The following PRKN variants were observed in gnomAD, a reference collection of about 807,000 sequenced individuals.
PRKN encodes E3 ubiquitin-protein ligase parkin.
PRKN carries 56 observed loss-of-function variants against 59.5 expected under a neutral mutation model. The ratio of observed to expected loss-of-function variants is 0.94; its 90% CI spans 0.76 to 1.18. PRKN has a LOEUF of 1.18. Ranked by LOEUF, PRKN falls within the 50% of genes most tolerant of loss-of-function variation. PRKN has a pLI of 0.00. For synonymous variants in PRKN, 250 were observed against 222.1 expected, an observed-to-expected ratio of 1.13 and a Z score of -1.12; for missense variants, 657 against 596.4, an observed-to-expected ratio of 1.10 and a Z score of -1.06.
chr6:162,259,511 A>G (rs1232039154), intron 3 of PRKN, among the ~76,000 whole-genome samples: 2 of 152,266 alleles, frequency 1.3e-5, no homozygotes, highest in Admixed American at 6.5e-5. Flanking sequence ...AATTCTGCAC[A>G]TGAGAGTCTG....
chr6:162,139,362 C>T (rs1004177799), intron 4 of PRKN, among the ~76,000 whole-genome samples: 1 of 152,086 alleles, frequency 6.6e-6, no homozygotes, highest in Non-Finnish European at 1.5e-5. Flanking sequence ...ATAAAGCCTT[C>T]CCTTGAAGAG....
At chr6:161,748,860 A>G (rs1033508067) in intron 7 of PRKN, among the ~76,000 whole-genome samples, 1 of 152,226 alleles carries the variant, frequency 6.6e-6, no homozygotes, top group Non-Finnish European at 1.5e-5. Context: ...AAGAGGGGAT[A>G]GCTGCTTTGC....
chr6:162,691,944 A>T (rs1367639796), intron 1 of PRKN, among the ~76,000 whole-genome samples: 1 of 152,088 alleles, frequency 6.6e-6, no homozygotes, highest in African/African-American at 2.4e-5. Context: ...TTTCATGTAA[A>T]TAGGTAGTAA....
intron 9 of PRKN, among the ~76,000 whole-genome samples, chr6:161,532,435 G>A (rs1289763862): frequency 6.6e-6 from 1 of 151,922 alleles, no homozygotes; most frequent in African/African-American, 2.4e-5. Context: ...GTGTGTGTGT[G>A]TGAGTGTGTG....
At chr6:162,337,695 G>A (rs766382973) in intron 2 of PRKN, among the ~76,000 whole-genome samples, 5 of 152,122 alleles carry the variant, frequency 3.3e-5, no homozygotes, top group Non-Finnish European at 7.4e-5. Flanking sequence ...GGCCCCATAC[G>A]GGCTGTGAGG....
intron 1 of PRKN, among the ~76,000 whole-genome samples, chr6:162,469,330 T>A (rs1479363619): frequency 1.0e-5 from 1 of 97,364 alleles, no homozygotes; most frequent in Non-Finnish European, 1.8e-5. Context: ...TGTGGAATGT[T>A]AAGAAAGTGG....
At chr6:162,081,168 C>G (rs1337312571) in intron 4 of PRKN, among the ~76,000 whole-genome samples, 1 of 151,968 alleles carries the variant, frequency 6.6e-6, no homozygotes, top group Non-Finnish European at 1.5e-5. Context: ...CGACTTCTTC[C>G]AACTCCTATT....
chr6:161,595,198 C>T (rs995936968), intron 7 of PRKN, among the ~76,000 whole-genome samples: 4 of 152,128 alleles, frequency 2.6e-5, no homozygotes, highest in African/African-American at 7.2e-5. Context: ...CCATGTATTA[C>T]AAGAACATCA....
chr6:161,949,943 T>C (rs545255962), intron 6 of PRKN, among the ~76,000 whole-genome samples: 5 of 152,312 alleles, frequency 3.3e-5, no homozygotes, highest in Admixed American at 2.6e-4. Flanking sequence ...CTAAACTCTT[T>C]GCAAAGCATC....
intron 7 of PRKN, among the ~76,000 whole-genome samples, chr6:161,663,998 C>T (rs1166683500): frequency 6.6e-6 from 1 of 152,172 alleles, no homozygotes; most frequent in Non-Finnish European, 1.5e-5. Flanking sequence ...AATGCAGCTT[C>T]TCTCTGGGGC....
intron 1 of PRKN, among the ~76,000 whole-genome samples, chr6:162,527,132 C>G (rs1583729507): frequency 6.6e-6 from 1 of 152,160 alleles, no homozygotes; most frequent in East Asian, 1.9e-4. Flanking sequence ...GTAGGAGGAG[C>G]CAGGGTGATT....
intron 1 of PRKN, among the ~76,000 whole-genome samples, chr6:162,489,748 T>A (rs919493193): frequency 1.3e-5 from 2 of 152,192 alleles, no homozygotes; most frequent in African/African-American, 4.8e-5. Context: ...TTGTGGTGTC[T>A]CAGATTTCAC....
chr6:162,313,916 T>C (rs1782640074), intron 2 of PRKN, among the ~76,000 whole-genome samples: 1 of 152,208 alleles, frequency 6.6e-6, no homozygotes, highest in Non-Finnish European at 1.5e-5. Context: ...AAAGAAATCT[T>C]ACTGCTGTGT....
intron 4 of PRKN, among the ~76,000 whole-genome samples, chr6:162,090,596 G>A (rs953833592): frequency 6.6e-6 from 1 of 151,890 alleles, no homozygotes; most frequent in Non-Finnish European, 1.5e-5. Flanking sequence ...TTTACATATG[G>A]AAAATTACAA....
At chr6:161,752,901 T>C (rs539666427) in intron 7 of PRKN, among the ~76,000 whole-genome samples, 1 of 152,154 alleles carries the variant, frequency 6.6e-6, no homozygotes, top group East Asian at 1.9e-4. Flanking sequence ...AAATTGGTGA[T>C]GGGTTATCAG....
Position 161,400,967 on chromosome 6 carries a change from C to G in PRKN, c.1084-14090G>C, listed in dbSNP as rs987965880. ...GACAGATAGCGTCCAGGCCATTACTCAAGGGGAAGACTGTTGATCAGAGTA... is the reference window on the plus strand; with the variant it reads ...GACAGATAGCGTCCAGGCCATTACTGAAGGGGAAGACTGTTGATCAGAGTA... On this transcript the variant is annotated intron_variant, in intron 9 of 11. Coordinates refer to ENST00000366898, the MANE Select transcript of PRKN (RefSeq NM_004562.3). This position sits in a 1 kb window ranked among gnomAD's most constrained non-coding sequence, Gnocchi z 4.2. Among the ~76,000 whole-genome samples, 2 of 152,160 alleles carry G rather than the reference C, an allele frequency of 1.3e-5. No individual in the cohort carries two copies. Among genetic ancestry groups the G allele is most frequent in the Non-Finnish European group, 1.5e-5 (1 of 68,026 alleles).
In PRKN at chr6:161,428,154, C is replaced by T. The variant is rs989849942; in HGVS notation, c.1084-41277G>A. On this transcript the variant is annotated intron_variant, in intron 9 of 11. Transcript: ENST00000366898. This position sits in a 1 kb window ranked among gnomAD's most constrained non-coding sequence, Gnocchi z 4.0. Reference sequence around the variant, plus strand: ...GCACTGTGGGGGCCTTCCTCAAAGCCGTGCGCCTCCATCTCAGGGCAACAT... The same window carrying T: ...GCACTGTGGGGGCCTTCCTCAAAGCTGTGCGCCTCCATCTCAGGGCAACAT... 1.4e-4 allele frequency among the ~76,000 whole-genome samples: 22 copies of T among 152,154 alleles called. No homozygotes were observed. The highest frequency in any genetic ancestry group is 2.5e-4 in the Non-Finnish European group (17 of 68,032).
chr6:161,940,546 G>A (rs1779523787), intron 6 of PRKN, among the ~76,000 whole-genome samples: 2 of 152,212 alleles, frequency 1.3e-5, no homozygotes, highest in South Asian at 2.1e-4. Flanking sequence ...CATTGGTTGA[G>A]AGTTTTAGAA....
rs577652913 is a variant in PRKN, at chr6:161,581,778, C to T, written c.872-12362G>A. ...GTGAGGGATGGGAAAGTGGTCCTGC[C>T]GAGCTGCTAGTGCAGAGGGTGTGGA... On this transcript the variant is annotated intron_variant, in intron 7 of 11. Coordinates refer to ENST00000366898, the MANE Select transcript of PRKN (RefSeq NM_004562.3). The surrounding 1 kb of genome is among the most constrained non-coding windows in gnomAD (Gnocchi z 4.5). Among the ~76,000 whole-genome samples, 6 of 152,246 alleles carry T rather than the reference C, an allele frequency of 3.9e-5. No individual in the cohort carries two copies. The highest frequency in any genetic ancestry group is 3.9e-4 in the East Asian group (2 of 5,170).
Sources: allele counts gnomAD v4.1 joint callset (sites outside exome capture counted in the v4.1 genomes callset), GRCh38; gene constraint gnomAD v4.1.1; non-coding constraint Gnocchi (gnomAD v3.1); transcripts MANE v1.5; gene names NCBI Gene and HGNC (gene_info 2026-07-23, HGNC 2026-07-21).